Variants in DPP6 observed in about 807,000 individuals in gnomAD.
DPP6 encodes dipeptidyl peptidase like 6, also known as A-type potassium channel modulatory protein DPP6.
DPP6 carries 69 observed loss-of-function variants against 122.6 expected under a neutral mutation model. The ratio of observed to expected loss-of-function variants is 0.56; its 90% CI spans 0.46 to 0.69. DPP6 has a LOEUF of 0.69. DPP6 is among the 30% of genes least tolerant of loss of function. The probability of loss-of-function intolerance (pLI) is 0.00; values close to 1 mark genes in which losing one functional copy is unlikely to be tolerated. For synonymous variants in DPP6, 418 were observed against 433.1 expected, an observed-to-expected ratio of 0.97 and a Z score of 0.43; for missense variants, 928 against 1,116.9, an observed-to-expected ratio of 0.83 and a Z score of 2.41.
intron 7 of DPP6, among the ~76,000 whole-genome samples, chr7:154,710,092 C>A (rs1328349492): frequency 2.0e-5 from 3 of 152,212 alleles, no homozygotes; most frequent in Non-Finnish European, 4.4e-5. Flanking sequence ...CCCAACCACA[C>A]AGGAGCTGCC....
At chr7:153,962,835 G>A (rs1470513848) in intron 1 of DPP6, among the ~76,000 whole-genome samples, 4 of 152,146 alleles carry the variant, frequency 2.6e-5, no homozygotes, top group African/African-American at 4.8e-5. Context: ...GACTGTAGCA[G>A]TTTCTTGAAT....
chr7:154,560,590 A>G (rs1830358259), intron 4 of DPP6, among the ~76,000 whole-genome samples: 1 of 152,218 alleles, frequency 6.6e-6, no homozygotes, highest in African/African-American at 2.4e-5. Flanking sequence ...ATTAAAATTA[A>G]GTGAATTTTA....
In DPP6 at chr7:154,483,602, G is replaced by T. The variant is rs1823520685; in HGVS notation, c.457+8565G>T. ...GGAAAGTTCTTAGTTACAGAAGTTA[G>T]TTGGGAGCTTCTGACTGGTTAGTCT... On this transcript the variant is annotated intron_variant, in intron 3 of 25. Transcript: ENST00000377770. The surrounding 1 kb of genome is among the most constrained non-coding windows in gnomAD (Gnocchi z 8.1). Among the ~76,000 whole-genome samples, 1 of 152,238 alleles carries T rather than the reference G, an allele frequency of 6.6e-6. No individual in the cohort carries two copies. The highest frequency in any genetic ancestry group is 2.4e-5 in the African/African-American group (1 of 41,466).
rs540884243 is a variant in DPP6, at chr7:154,360,808, C to T, written c.244-85406C>T. ...CAGGAAGCAGCATAAATATTGCCCT[C>T]GCCCACCAGAATTCATCACTGATGG... On this transcript the variant is annotated intron_variant, in intron 1 of 25. Coordinates refer to ENST00000377770, the MANE Select transcript of DPP6 (RefSeq NM_130797.4). Among the ~76,000 whole-genome samples the T allele has an allele frequency of 3.5e-4, 53 of 152,318 alleles. 1 individual carries two copies. In the South Asian group the frequency reaches 9.7e-3, roughly 28 times the overall value.
intron 2 of DPP6, among the ~76,000 whole-genome samples, chr7:154,466,429 G>C (rs1468368049): frequency 6.6e-6 from 1 of 152,200 alleles, no homozygotes; most frequent in Admixed American, 6.5e-5. Flanking sequence ...GGTGTCAGCA[G>C]GGTTGGTTTA....
intron 1 of DPP6, among the ~76,000 whole-genome samples, chr7:153,903,345 A>C (rs943375441): frequency 6.6e-6 from 1 of 152,202 alleles, no homozygotes; most frequent in Admixed American, 6.5e-5. Flanking sequence ...CTTTCTTCCA[A>C]GAGTTGTTTA....
chr7:154,571,425 C>G lies in DPP6; in HGVS notation c.627+4509C>G, dbSNP rs183965944. 3.9e-5 allele frequency among the ~76,000 whole-genome samples: 6 copies of G among 152,248 alleles called. No homozygotes were observed. The East Asian group carries it at 1.2e-3, about 29-fold the overall frequency. ...ATCCTTGAACATACACAAATTAGCT[C>G]ATCTTAACTATGCCAACCCTATGTA... On this transcript the variant is annotated intron_variant, in intron 5 of 25. Coordinates refer to ENST00000377770, the MANE Select transcript of DPP6 (RefSeq NM_130797.4).
At chr7:154,400,064 C>G (rs1043220003) in intron 1 of DPP6, among the ~76,000 whole-genome samples, 6 of 152,002 alleles carry the variant, frequency 3.9e-5, no homozygotes, top group Admixed American at 3.3e-4. Context: ...ACAGAGACCT[C>G]CAGGGGCATT....
intron 1 of DPP6, among the ~76,000 whole-genome samples, chr7:154,378,536 G>C (rs1316673419): frequency 6.6e-6 from 1 of 152,188 alleles, no homozygotes; most frequent in Non-Finnish European, 1.5e-5. Context: ...GGAGAGGAGG[G>C]CTCCCTTCCT....
chr7:153,910,904 C>A (rs1233687749), intron 1 of DPP6, among the ~76,000 whole-genome samples: 1 of 152,150 alleles, frequency 6.6e-6, no homozygotes, highest in South Asian at 2.1e-4. Flanking sequence ...TCAGTCAGTG[C>A]CATCATCCTC....
At chr7:154,423,363 T>C (rs1817641634) in intron 1 of DPP6, among the ~76,000 whole-genome samples, 1 of 152,162 alleles carries the variant, frequency 6.6e-6, no homozygotes, top group African/African-American at 2.4e-5. Context: ...GATTCCATCC[T>C]CCCACAGAGA....
At chr7:154,000,086 T>C (rs1379541585) in intron 1 of DPP6, among the ~76,000 whole-genome samples, 2 of 152,138 alleles carry the variant, frequency 1.3e-5, no homozygotes, top group African/African-American at 4.8e-5. Flanking sequence ...ACCGTATGTG[T>C]TTAGTGTCTG....
the DPP6 span, among the ~76,000 whole-genome samples, chr7:153,829,408 G>T: frequency 6.6e-6 from 1 of 152,160 alleles, no homozygotes; most frequent in Non-Finnish European, 1.5e-5. Context: ...TAGAGACAGG[G>T]TTTCACCATG....
At chr7:154,684,557 A>G (rs371025719) in intron 7 of DPP6, among the ~76,000 whole-genome samples, 3 of 152,326 alleles carry the variant, frequency 2.0e-5, no homozygotes, top group South Asian at 2.1e-4. Context: ...GTTTTCACCT[A>G]TTGGAGATGT....
chr7:153,867,506 C>T, the DPP6 span, among the ~76,000 whole-genome samples: 1 of 152,138 alleles, frequency 6.6e-6, no homozygotes, highest in Non-Finnish European at 1.5e-5. Context: ...ATTTTGTATC[C>T]TGAGACTTTG....
intron 4 of DPP6, among the ~76,000 whole-genome samples, chr7:154,550,175 G>T (rs1235528346): frequency 6.6e-6 from 1 of 152,086 alleles, no homozygotes; most frequent in African/African-American, 2.4e-5. Context: ...TGAAAACTGA[G>T]ATATTGGACA....
chr7:154,056,379 G>A (rs531331660), intron 1 of DPP6, among the ~76,000 whole-genome samples: 1 of 152,200 alleles, frequency 6.6e-6, no homozygotes. Context: ...TAAAGGAATT[G>A]TTGCTGGAAG....
rs78733293 is a variant in DPP6, at chr7:154,204,503, G to C, written c.243+151440G>C. On this transcript the variant is annotated intron_variant, in intron 1 of 25. Transcript: ENST00000377770. The stretch of plus-strand genomic sequence containing the variant: ...TATTCAATGACTTAAGGGTGCTTCT[G>C]ATATCAAAAGAGCCCATTATCATCA... 2.3e-3 allele frequency among the ~76,000 whole-genome samples: 347 copies of C among 152,270 alleles called. 3 individuals are homozygous for C. Among genetic ancestry groups the C allele is most frequent in the African/African-American group, 8.0e-3 (333 of 41,544 alleles).
At chr7:154,846,104 G>T (rs1801922813) in intron 16 of DPP6, among the ~76,000 whole-genome samples, 1 of 152,016 alleles carries the variant, frequency 6.6e-6, no homozygotes, top group Non-Finnish European at 1.5e-5. Flanking sequence ...ACTGCACCAT[G>T]TCCAGGACAT....
Sources: gnomAD v4.1 joint callset for allele counts (sites outside exome capture counted in the v4.1 genomes callset) on GRCh38, gnomAD v4.1.1 for gene constraint, Gnocchi (gnomAD v3.1) non-coding constraint, MANE v1.5 for transcripts, NCBI Gene and HGNC (gene_info 2026-07-23, HGNC 2026-07-21) for gene names.